EDA: variants seen among roughly 807,000 people sequenced by gnomAD.
The protein encoded by EDA is ectodysplasin A.
EDA carries 2 observed loss-of-function variants against 23.6 expected under a neutral mutation model. The observed-to-expected ratio is 0.08, with a 90% confidence interval of 0.03 to 0.27. EDA has a LOEUF of 0.27. Among genes scored for constraint, EDA ranks in the 10% least tolerant of loss-of-function variants. EDA has a pLI of 1.00. For missense variants in EDA, 229 were observed against 324.2 expected (o/e 0.71, Z 2.26); for synonymous variants, 131 against 132.0 (o/e 0.99, Z 0.05).
At chrX:69,677,785 T>C (rs984326901) in intron 1 of EDA, among the ~76,000 whole-genome samples, 1 of 111,955 alleles carries the variant, frequency 8.9e-6, no homozygotes, top group African/African-American at 3.3e-5. Flanking sequence ...GCCTGTTCAC[T>C]CTGATGGTAG....
intron 7 of EDA, among the ~76,000 whole-genome samples, chrX:70,033,920 C>G (rs2020232548): frequency 9.0e-6 from 1 of 111,562 alleles, no homozygotes; most frequent in African/African-American, 3.3e-5. Flanking sequence ...AACCCTTTCC[C>G]TCAACACTGC....
intron 1 of EDA, among the ~76,000 whole-genome samples, chrX:69,777,218 A>T (rs1180874489): frequency 9.1e-6 from 1 of 109,360 alleles, no homozygotes; most frequent in Non-Finnish European, 1.9e-5. Flanking sequence ...TGGAGGTTAA[A>T]CATGCTGGTT....
chrX:69,654,806 G>A (rs1381392678), intron 1 of EDA, among the ~76,000 whole-genome samples: 2 of 90,172 alleles, frequency 2.2e-5, no homozygotes, highest in Admixed American at 1.3e-4. Flanking sequence ...GTGGGGTGGG[G>A]GGAGGGGGGA....
chrX:69,783,372 G>C (rs997727761), intron 1 of EDA, among the ~76,000 whole-genome samples: 1 of 109,180 alleles, frequency 9.2e-6, no homozygotes, highest in Admixed American at 9.8e-5. Flanking sequence ...GTGCCATGCT[G>C]GTGCGCTGCA....
chrX:69,966,573 CAA>C (rs751957411), intron 2 of EDA, among the ~76,000 whole-genome samples: 13 of 44,079 alleles, frequency 2.9e-4, no homozygotes, highest in African/African-American at 5.9e-4. Context: ...GACTCCATCT[CAA>C]AAAAAAAAAA....
chrX:69,904,418 A>G (rs1409742253), intron 1 of EDA, among the ~76,000 whole-genome samples: 1 of 108,710 alleles, frequency 9.2e-6, no homozygotes, highest in Non-Finnish European at 1.9e-5. Flanking sequence ...TGGCACATTC[A>G]TGGCTCACTG....
intron 1 of EDA, among the ~76,000 whole-genome samples, chrX:69,891,426 C>T (rs2017928733): frequency 9.0e-6 from 1 of 111,506 alleles, no homozygotes; most frequent in South Asian, 3.8e-4. Flanking sequence ...ATATGTGAAG[C>T]AATATAAATC....
intron 1 of EDA, among the ~76,000 whole-genome samples, chrX:69,849,092 C>T (rs115395836): frequency 0.021 from 895 of 42,156 alleles, 7 homozygotes; most frequent in African/African-American, 0.033. Context: ...TACACACACA[C>T]ACACACACAC....
chrX:69,793,679 C>A (rs753938966), intron 1 of EDA, among the ~76,000 whole-genome samples: 22 of 102,453 alleles, frequency 2.1e-4, no homozygotes, highest in African/African-American at 8.0e-4. Flanking sequence ...TCTCTACAAG[C>A]AAAGAAGAGG....
At chrX:69,696,098 G>A (rs1285378083) in intron 1 of EDA, among the ~76,000 whole-genome samples, 1 of 110,443 alleles carries the variant, frequency 9.1e-6, no homozygotes, top group African/African-American at 3.3e-5. Context: ...AATTAGCTGG[G>A]CGTGGTGGCA....
chrX:69,815,433 G>C (rs1478725976), intron 1 of EDA, among the ~76,000 whole-genome samples: 2 of 105,130 alleles, frequency 1.9e-5, no homozygotes, highest in East Asian at 6.1e-4. Context: ...TCTGGAGTTG[G>C]GGTGGGGGTG....
intron 1 of EDA, among the ~76,000 whole-genome samples, chrX:69,724,116 C>G (rs1252376832): frequency 8.9e-6 from 1 of 111,840 alleles, no homozygotes; most frequent in Non-Finnish European, 1.9e-5. Flanking sequence ...GGTGAGGTAC[C>G]TGGCTTTCTC....
At chrX:69,677,267 T>C in intron 1 of EDA, among the ~76,000 whole-genome samples, 1 of 107,328 alleles carries the variant, frequency 9.3e-6, no homozygotes, top group Non-Finnish European at 1.9e-5. Context: ...TTTGCTATTG[T>C]GAATAATGCC....
Position 70,039,275 on chromosome X carries a change from C to T in EDA, c.*3666C>T, listed in dbSNP as rs1274028108. Reference sequence around the variant, plus strand: ...CTCGGGGTGTGTCATTTCTATATTCCTCCAGCTGGGATTGGGGGGTGGGCT... The same window carrying T: ...CTCGGGGTGTGTCATTTCTATATTCTTCCAGCTGGGATTGGGGGGTGGGCT... On this transcript the variant is annotated 3_prime_UTR_variant, in exon 8 of 8. Coordinates refer to ENST00000374552, the MANE Select transcript of EDA (RefSeq NM_001399.5). 2 of 111,747 alleles carry T rather than the reference C, an allele frequency of 1.8e-5. No individual in the cohort carries two copies. Among genetic ancestry groups the T allele is most frequent in the Non-Finnish European group, 3.8e-5 (2 of 53,098 alleles). 9.2% of individuals were successfully genotyped at this position (111,747 alleles called of 1,213,427 possible).
At chrX:70,021,201 G>A (rs190984065) in intron 2 of EDA, among the ~76,000 whole-genome samples, 22 of 112,061 alleles carry the variant, frequency 2.0e-4, no homozygotes, top group African/African-American at 7.1e-4. Context: ...AGAGTTGTGA[G>A]TTGCGTTTCA....
At chrX:69,827,705 A>C (rs1041753158) in intron 1 of EDA, among the ~76,000 whole-genome samples, 2 of 112,160 alleles carry the variant, frequency 1.8e-5, no homozygotes, top group African/African-American at 6.5e-5. Context: ...CAGCTCGTCA[A>C]AGTCATTCAA....
chrX:69,681,013 C>T (rs1335279544), intron 1 of EDA, among the ~76,000 whole-genome samples: 1 of 108,085 alleles, frequency 9.3e-6, no homozygotes, highest in Non-Finnish European at 1.9e-5. Context: ...TTAGGGCAGG[C>T]CTGGTGGTGA....
intron 1 of EDA, among the ~76,000 whole-genome samples, chrX:69,828,656 T>C (rs1235813760): frequency 1.8e-5 from 2 of 112,380 alleles, no homozygotes; most frequent in African/African-American, 6.5e-5. Context: ...AGAAATCACC[T>C]TTCTTCTGCG....
intron 1 of EDA, among the ~76,000 whole-genome samples, chrX:69,661,309 T>C (rs1933495763): frequency 9.6e-6 from 1 of 104,170 alleles, no homozygotes; most frequent in Non-Finnish European, 2.0e-5. Context: ...CTCTTCACTC[T>C]GATGGTAGTT....
Sources: gnomAD v4.1 joint callset for allele counts (sites outside exome capture counted in the v4.1 genomes callset) on GRCh38, gnomAD v4.1.1 for gene constraint, MANE v1.5 for transcripts, NCBI Gene and HGNC (gene_info 2026-07-23, HGNC 2026-07-21) for gene names.